The following SLC30A6 variants were observed in gnomAD, a reference collection of about 807,000 sequenced individuals.
SLC30A6 encodes solute carrier family 30 member 6.
SLC30A6 carries 55 observed loss-of-function variants against 63.0 expected under a neutral mutation model. The observed-to-expected ratio is 0.87, with a 90% CI of 0.70 to 1.09. SLC30A6 has a LOEUF of 1.09. Ranked by LOEUF, SLC30A6 falls within the 50% of genes least tolerant of loss-of-function variation. The pLI is 0.00. For synonymous variants in SLC30A6, 224 were observed against 186.1 expected (o/e 1.20, Z -1.66); for missense variants, 587 against 549.2 (o/e 1.07, Z -0.69).
intron 12 of SLC30A6, 21 bp from the exon 13 acceptor site, chr2:32,209,472 A>G: frequency 6.3e-7 from 1 of 1,590,736 alleles, no homozygotes; most frequent in South Asian, 1.1e-5. Flanking sequence ...AACTCTGATC[A>G]CCTCTTTCTG....
chr2:32,201,872 A>T, intron 10 of SLC30A6: 4 of 1,444,626 alleles, frequency 2.8e-6, no homozygotes. Flanking sequence ...GGTGTTACAG[A>T]TTACCTGGAT....
At chr2:32,202,972 C>T (rs1173961814) in intron 10 of SLC30A6, 17 of 1,138,006 alleles carry the variant, frequency 1.5e-5, no homozygotes, top group East Asian at 4.7e-5. Context: ...TCTGAAGGGA[C>T]GGCTATTATT....
intron 4 of SLC30A6, among the ~76,000 whole-genome samples, chr2:32,183,266 A>C (rs1682502365): frequency 1.3e-5 from 2 of 152,060 alleles, no homozygotes; most frequent in African/African-American, 4.8e-5. Flanking sequence ...AGAATTGAGG[A>C]ATTGTGAGCT....
chr2:32,216,466 G>T (rs1257571470), intron 13 of SLC30A6, among the ~76,000 whole-genome samples: 1 of 151,968 alleles, frequency 6.6e-6, no homozygotes, highest in African/African-American at 2.4e-5. Context: ...AACCCAGGAG[G>T]TGGAGGTTGC....
At chr2:32,181,992 G>A (rs960146627) in intron 4 of SLC30A6, among the ~76,000 whole-genome samples, 2 of 137,050 alleles carry the variant, frequency 1.5e-5, no homozygotes, top group Non-Finnish European at 3.0e-5. Context: ...TGAGTACAGT[G>A]ACATAGTCAT....
intron 13 of SLC30A6, among the ~76,000 whole-genome samples, chr2:32,210,502 G>A (rs1685159986): frequency 8.6e-6 from 1 of 116,624 alleles, no homozygotes; most frequent in South Asian, 3.3e-4. Flanking sequence ...GTGACAGAGT[G>A]AGACTCTGTC....
intron 13 of SLC30A6, among the ~76,000 whole-genome samples, chr2:32,212,666 G>A (rs997644730): frequency 3.7e-5 from 5 of 134,270 alleles, no homozygotes; most frequent in Admixed American, 8.8e-5. Context: ...GCTTGATCTC[G>A]GCTCACTGCA....
At chr2:32,178,502 C>T (rs1681993555) in intron 4 of SLC30A6, among the ~76,000 whole-genome samples, 1 of 152,094 alleles carries the variant, frequency 6.6e-6, no homozygotes, top group African/African-American at 2.4e-5. Flanking sequence ...GACAAAACTC[C>T]ATCTCTACTA....
Position 32,193,893 on chromosome 2 carries a change from A to G in SLC30A6, c.406A>G (p.Arg136Gly). The G allele has an allele frequency of 6.2e-7, 1 of 1,611,618 alleles. No individual in the cohort carries two copies. The highest frequency in any genetic ancestry group is 8.5e-7 in the Non-Finnish European group (1 of 1,178,324). The part of the protein sequence containing the change: ...FLEQPEIHTG[R>G]LLVGTFVALC... ...TGTTATCGTTGTTCTTTTTAGGGGA[A>G]GATTATTAGTTGGTACTTTTGTGGC... Residue 136 changes from arginine (R) to glycine (G), a missense_variant, in exon 8 of 14, where the codon AGA (arginine) becomes GGA (glycine). By Grantham distance (125) the Arg-to-Gly change is moderately radical. Coordinates refer to ENST00000282587, the MANE Select transcript of SLC30A6 (RefSeq NM_017964.5).
At position 32,203,454 on chromosome 2, in the gene SLC30A6, T is replaced by C. The variant is rs1168607868; in HGVS notation, c.666-1136T>C. 4 of 1,561,040 alleles carry C rather than the reference T, an allele frequency of 2.6e-6. No homozygotes were observed. In the African/African-American group the frequency reaches 5.4e-5, roughly 21 times the overall value. ...TTTTTCCAACCATCAGCTCAGATAC[T>C]GACAGAAGAGAAAGGGGCAGTGGAT... is the stretch of plus-strand genomic sequence containing the variant. On this transcript the variant is annotated intron_variant, in intron 10 of 13. Transcript: ENST00000282587.
Position 32,220,791 on chromosome 2 carries a change from T to G in SLC30A6, c.*78T>G. On this transcript the variant is annotated 3_prime_UTR_variant, in exon 14 of 14. Coordinates refer to ENST00000282587, the MANE Select transcript of SLC30A6 (RefSeq NM_017964.5). ...TTTAGTAATCCAACTTTGCATTGAC[T>G]GTTTAATCATTTACTCTAAATGTTA... is the stretch of plus-strand genomic sequence containing the variant. 7.9e-7 allele frequency: 1 copy of G among 1,262,370 alleles called. No individual in the cohort carries two copies. Among genetic ancestry groups the G allele is most frequent in the Non-Finnish European group, 1.1e-6 (1 of 908,914 alleles). The allele number at this position is 1,262,370 out of a possible 1,614,324, so 78.2% of individuals were successfully genotyped here.
chr2:32,177,332 T>G lies in SLC30A6; in HGVS notation c.218+1971T>G, dbSNP rs574401588. ...TCAATAGTTACTCTTTCTTTTTTTT[T>G]TGAGTTAGGGTCTTACTCTGTCACC... On this transcript the variant is annotated intron_variant, in intron 4 of 13. Transcript: ENST00000282587. The G allele has an allele frequency of 4.4e-5, 7 of 157,572 alleles. 1 individual carries two copies. In the South Asian group the frequency reaches 9.6e-4, roughly 22 times the overall value. 9.8% of individuals were successfully genotyped at this position (157,572 alleles called of 1,614,324 possible).
chr2:32,213,591 A>G (rs370701106), intron 13 of SLC30A6, among the ~76,000 whole-genome samples: 51 of 152,226 alleles, frequency 3.4e-4, no homozygotes, highest in Middle Eastern at 3.4e-3. Context: ...TCATAAGGGT[A>G]CTAGGTTACT....
chr2:32,167,003 C>T (rs1558359649), intron 1 of SLC30A6, among the ~76,000 whole-genome samples: 2 of 151,604 alleles, frequency 1.3e-5, no homozygotes. Context: ...TTCTGTAGCA[C>T]TCAAGATAAA....
intron 13 of SLC30A6, among the ~76,000 whole-genome samples, chr2:32,218,280 C>CA (rs980766633): frequency 9.9e-5 from 15 of 151,936 alleles, no homozygotes; most frequent in African/African-American, 3.6e-4. Context: ...AAAACAAAAC[C>CA]AAAAAAACCC....
Position 32,222,762 on chromosome 2 carries a change from A to G in SLC30A6, c.*2049A>G, listed in dbSNP as rs568923883. On this transcript the variant is annotated 3_prime_UTR_variant, in exon 14 of 14. Transcript: ENST00000282587. ...GTATCTGTTATTGGTCTACTATTAC[A>G]GGATGATTCTTCTTCCTCCATTGAT... The G allele has an allele frequency of 2.0e-5, 3 of 152,348 alleles. No homozygotes were observed. In the South Asian group the frequency reaches 6.2e-4, roughly 32 times the overall value. The allele number at this position is 152,348 out of a possible 1,614,324, so 9.4% of individuals were successfully genotyped here.
Position 32,221,794 on chromosome 2 carries a change from G to C in SLC30A6, c.*1081G>C, listed in dbSNP as rs977595795. 2 of 152,122 alleles carry C rather than the reference G, an allele frequency of 1.3e-5. No homozygotes were observed. The highest frequency in any genetic ancestry group is 2.9e-5 in the Non-Finnish European group (2 of 68,014). The allele number at this position is 152,122 out of a possible 1,614,324, so 9.4% of individuals were successfully genotyped here. A position where few individuals can be genotyped will look rare whatever the true frequency, so the allele number is the denominator to read the frequency against. On this transcript the variant is annotated 3_prime_UTR_variant, in exon 14 of 14. Coordinates refer to ENST00000282587, the MANE Select transcript of SLC30A6 (RefSeq NM_017964.5). ...ATTAAGTGACTACCCAACTTTTGGT[G>C]ATATGCAGTGAAAGAATCCCAATTT...
intron 1 of SLC30A6, among the ~76,000 whole-genome samples, 191 bp downstream of exon 1, chr2:32,166,094 C>T (rs554915965): frequency 3.9e-5 from 6 of 152,222 alleles, no homozygotes; most frequent in African/African-American, 1.4e-4. Flanking sequence ...CGGTCCCTCA[C>T]CTGTTCCGCA....
At chr2:32,174,462 G>A (rs1681529303) in intron 3 of SLC30A6, among the ~76,000 whole-genome samples, 1 of 151,700 alleles carries the variant, frequency 6.6e-6, no homozygotes, top group Admixed American at 6.6e-5. Flanking sequence ...CAGAGTGCTG[G>A]GATTACAGGC....
Sources: allele counts gnomAD v4.1 joint callset (sites outside exome capture counted in the v4.1 genomes callset), GRCh38; gene constraint gnomAD v4.1.1; transcripts MANE v1.5; gene names NCBI Gene and HGNC (gene_info 2026-07-23, HGNC 2026-07-21).